ASTN1: variants seen among roughly 807,000 people sequenced by gnomAD.
ASTN1 encodes the protein astrotactin-1.
Under a neutral mutation model 140.7 loss-of-function variants are expected in ASTN1, and 41 were observed. The ratio of observed to expected loss-of-function variants is 0.29; its 90% CI spans 0.23 to 0.38. The LOEUF (loss-of-function observed/expected upper bound fraction) is 0.38, where lower values mean the gene tolerates loss of function less well. ASTN1 is among the 10% of genes least tolerant of loss of function. The probability of loss-of-function intolerance (pLI) is 1.00; values close to 1 mark genes in which losing one functional copy is unlikely to be tolerated. For synonymous variants in ASTN1, 640 were observed against 652.2 expected, an observed-to-expected ratio of 0.98 and a Z score of 0.29; for missense variants, 1,479 against 1,678.8, an observed-to-expected ratio of 0.88 and a Z score of 2.08.
At chr1:177,104,012 C>G (rs529797398) in intron 1 of ASTN1, among the ~76,000 whole-genome samples, 1 of 152,258 alleles carries the variant, frequency 6.6e-6, no homozygotes, top group South Asian at 2.1e-4. Context: ...GCCTGGCGTG[C>G]AGTAACGCAT....
At chr1:177,108,486 G>C (rs538205444) in intron 1 of ASTN1, among the ~76,000 whole-genome samples, 32 of 151,858 alleles carry the variant, frequency 2.1e-4, no homozygotes, top group Non-Finnish European at 3.8e-4. Context: ...TTTCCACTTA[G>C]CATGTCTTCA....
intron 2 of ASTN1, among the ~76,000 whole-genome samples, chr1:177,054,864 A>G (rs1247374694): frequency 2.0e-5 from 3 of 152,228 alleles, no homozygotes; most frequent in Non-Finnish European, 4.4e-5. Flanking sequence ...GAGCAATAGA[A>G]ACAGGTGTGA....
intron 8 of ASTN1, among the ~76,000 whole-genome samples, chr1:176,993,626 A>G (rs555357824): frequency 6.6e-6 from 1 of 152,304 alleles, no homozygotes; most frequent in South Asian, 2.1e-4. Context: ...CACCTAATCA[A>G]TGTCAGTGGA....
At chr1:177,111,367 CT>C (rs767146881) in intron 1 of ASTN1, among the ~76,000 whole-genome samples, 11 of 152,160 alleles carry the variant, frequency 7.2e-5, no homozygotes, top group Non-Finnish European at 1.6e-4. Flanking sequence ...GCTTCTCAGT[CT>C]TTAATGTGCA....
At chr1:176,974,546 C>T (rs1025480810) in intron 8 of ASTN1, among the ~76,000 whole-genome samples, 4 of 151,910 alleles carry the variant, frequency 2.6e-5, no homozygotes, top group South Asian at 2.1e-4. Flanking sequence ...CCACCAGGCC[C>T]GGCTAATTTT....
At chr1:177,034,814 T>G (rs961951139) in intron 2 of ASTN1, among the ~76,000 whole-genome samples, 1 of 152,210 alleles carries the variant, frequency 6.6e-6, no homozygotes, top group African/African-American at 2.4e-5. Context: ...CTGAGAGAAG[T>G]TGTCAGACAT....
chr1:177,093,679 C>T (rs562852001), intron 1 of ASTN1, among the ~76,000 whole-genome samples: 1 of 152,250 alleles, frequency 6.6e-6, no homozygotes, highest in African/African-American at 2.4e-5. Context: ...CAGGGCTTTT[C>T]CTGCTTCTGA....
At chr1:177,094,402 T>C (rs763459432) in intron 1 of ASTN1, among the ~76,000 whole-genome samples, 3 of 152,216 alleles carry the variant, frequency 2.0e-5, no homozygotes, top group Non-Finnish European at 4.4e-5. Flanking sequence ...TTTCTATGTA[T>C]AATCCAATTG....
chr1:176,996,718 G>C (rs1199401311), intron 8 of ASTN1, among the ~76,000 whole-genome samples: 1 of 152,160 alleles, frequency 6.6e-6, no homozygotes, highest in African/African-American at 2.4e-5. Context: ...CTGGGAAACA[G>C]AGTCTTTGAT....
chr1:176,953,458 C>G (rs56785682), intron 11 of ASTN1, among the ~76,000 whole-genome samples: 1 of 152,310 alleles, frequency 6.6e-6, no homozygotes, highest in South Asian at 2.1e-4. Flanking sequence ...GATTCCCAAA[C>G]TTTTTGATGG....
At position 177,032,441 on chromosome 1, in the gene ASTN1, T is replaced by G. The variant is rs1193496518; in HGVS notation, c.865+15A>C. ...TGAAGGACCAAACAGCCCCTTGCCT[T>G]TCTCCCATCCCCACCTGGTGTGAGG... On this transcript the variant is annotated intron_variant, in intron 3 of 22. Coordinates refer to ENST00000361833, the MANE Select transcript of ASTN1 (RefSeq NM_004319.3). 1 of 1,608,882 alleles carries G rather than the reference T, an allele frequency of 6.2e-7. No homozygotes were observed. Among genetic ancestry groups the G allele is most frequent in the African/African-American group, 1.3e-5 (1 of 74,858 alleles).
intron 16 of ASTN1, among the ~76,000 whole-genome samples, chr1:176,907,852 C>T (rs1296009922): frequency 2.0e-5 from 3 of 152,170 alleles, no homozygotes; most frequent in Non-Finnish European, 2.9e-5. Context: ...CATTCCACTG[C>T]CATGAAGAAA....
chr1:176,981,400 A>G (rs1371302705), intron 8 of ASTN1: 3 of 152,050 alleles, frequency 2.0e-5, no homozygotes, highest in African/African-American at 7.2e-5. Context: ...AACCCCTAGT[A>G]CTTCAAAATG....
At position 176,943,807 on chromosome 1, in the gene ASTN1, A is replaced by G. The variant is rs933506667; in HGVS notation, c.2377+84T>C. On this transcript the variant is annotated intron_variant, in intron 14 of 22. Coordinates refer to ENST00000361833, the MANE Select transcript of ASTN1 (RefSeq NM_004319.3). ...AAATCACTGGCTTAGAAACCAAAAT[A>G]AGTGAGGTCAAATCTTAATTTTATG... is the stretch of plus-strand genomic sequence containing the variant. 5.5e-6 allele frequency: 8 copies of G among 1,459,380 alleles called. No homozygotes were observed. In the African/African-American group the frequency reaches 1.1e-4, roughly 21 times the overall value. 90.4% of individuals were successfully genotyped at this position (1,459,380 alleles called of 1,614,324 possible).
intron 2 of ASTN1, among the ~76,000 whole-genome samples, chr1:177,044,509 GC>G (rs1175195390): frequency 6.6e-6 from 1 of 152,198 alleles, no homozygotes; most frequent in African/African-American, 2.4e-5. Flanking sequence ...CGCAGGCCTG[GC>G]GCTCACCAGC....
At chr1:177,077,451 T>C in intron 1 of ASTN1, among the ~76,000 whole-genome samples, 1 of 152,150 alleles carries the variant, frequency 6.6e-6, no homozygotes, top group Non-Finnish European at 1.5e-5. Flanking sequence ...TACTAGCTTG[T>C]CTTGAACGGG....
intron 1 of ASTN1, among the ~76,000 whole-genome samples, chr1:177,121,109 G>T (rs1681362672): frequency 6.6e-6 from 1 of 150,710 alleles, no homozygotes; most frequent in Admixed American, 6.6e-5. Flanking sequence ...CATGCACTAT[G>T]TAAAGTCCAT....
chr1:177,156,956 A>G (rs557803756), intron 1 of ASTN1, among the ~76,000 whole-genome samples: 2 of 152,328 alleles, frequency 1.3e-5, no homozygotes, highest in Middle Eastern at 3.4e-3. Flanking sequence ...TCTACAAAGT[A>G]CCTGACTAGT....
intron 2 of ASTN1, among the ~76,000 whole-genome samples, chr1:177,047,411 G>C (rs948859549): frequency 6.6e-6 from 1 of 152,152 alleles, no homozygotes; most frequent in Non-Finnish European, 1.5e-5. Flanking sequence ...CTCACAGAGG[G>C]GAAGGCAAGG....
Sources: allele counts gnomAD v4.1 joint callset (sites outside exome capture counted in the v4.1 genomes callset), GRCh38; gene constraint gnomAD v4.1.1; transcripts MANE v1.5; gene names NCBI Gene and HGNC (gene_info 2026-07-23, HGNC 2026-07-21).